The following NBEAL1 variants were observed in gnomAD, a reference collection of about 807,000 sequenced individuals.
The protein encoded by NBEAL1 is neurobeachin-like protein 1.
A neutral mutation model predicts 351.3 loss-of-function variants in NBEAL1; 273 were observed. That is an observed-to-expected ratio of 0.78 (90% CI 0.70 to 0.86). The LOEUF (loss-of-function observed/expected upper bound fraction) is 0.86. Ranked by LOEUF, NBEAL1 falls within the 40% of genes least tolerant of loss-of-function variation. NBEAL1 has a pLI of 0.00. For synonymous variants in NBEAL1, 1,050 were observed against 1,086.4 expected (o/e 0.97, Z 0.66); for missense variants, 2,961 against 3,201.3 (o/e 0.92, Z 1.81).
Position 203,201,669 on chromosome 2 carries a change from G to T in NBEAL1, c.7365G>T (p.Met2455Ile). ...ACTGGGATAATAGCATTCAAGTGAT[G>T]TCACTTACAAAAGGCAAAATTATCT... is the stretch of plus-strand genomic sequence containing the variant. Reference protein sequence around the residue: ...AGYWDNSIQVMSLTKGKIISH... With the variant: ...AGYWDNSIQVISLTKGKIISH... The change falls in exon 50 of 56, where the codon ATG becomes ATT. Residue 2455 changes from methionine (M) to isoleucine (I), a missense_variant. Met to Ile is a conservative substitution (Grantham distance 10). Coordinates refer to ENST00000683969, the MANE Select transcript of NBEAL1 (RefSeq NM_001378026.1). 4 of 1,609,482 alleles carry T rather than the reference G, an allele frequency of 2.5e-6. No individual in the cohort carries two copies. The highest frequency in any genetic ancestry group is 2.5e-6 in the Non-Finnish European group (3 of 1,177,412).
Position 203,136,759 on chromosome 2 carries a change from A to G in NBEAL1, c.4550A>G (p.Asp1517Gly), listed in dbSNP as rs182954834. The change falls in exon 29 of 56, where the codon GAT becomes GGT. Residue 1517 changes from aspartate (D) to glycine (G), a missense_variant. By Grantham distance (94) the Asp-to-Gly change is moderately conservative. Coordinates refer to ENST00000683969, the MANE Select transcript of NBEAL1 (RefSeq NM_001378026.1). ...TCCAGTGAACTACTTCGACCATCAG[A>G]TGAAATAAAACTAACGTAAGCATTT... ...GISSELLRPS[D>G]EIKLTLLQKM... 90 of 1,612,882 alleles carry G rather than the reference A, an allele frequency of 5.6e-5. No homozygotes were observed. Among genetic ancestry groups the G allele is most frequent in the Admixed American group, 1.8e-4 (11 of 59,882 alleles).
intron 37 of NBEAL1, among the ~76,000 whole-genome samples, chr2:203,166,556 A>T (rs1251440913): frequency 2.0e-5 from 3 of 151,732 alleles, no homozygotes; most frequent in Admixed American, 6.6e-5. Context: ...TATTATTATT[A>T]TTTTTTTGAG....
At chr2:203,045,566 C>CT (rs1047260679) in intron 3 of NBEAL1, among the ~76,000 whole-genome samples, 27 of 152,180 alleles carry the variant, frequency 1.8e-4, no homozygotes, top group African/African-American at 5.1e-4. Context: ...TGCTTTGTGG[C>CT]TTTTTTCTGT....
At chr2:203,184,681 A>C (rs982861217) in intron 44 of NBEAL1, among the ~76,000 whole-genome samples, 1 of 151,544 alleles carries the variant, frequency 6.6e-6, no homozygotes, top group African/African-American at 2.4e-5. Flanking sequence ...ATAAGTATAT[A>C]TTTATAAAAT....
At chr2:203,083,984 G>A (rs1446195286) in intron 9 of NBEAL1, among the ~76,000 whole-genome samples, 1 of 148,352 alleles carries the variant, frequency 6.7e-6, no homozygotes, top group Non-Finnish European at 1.5e-5. Context: ...GCCTGTGTGT[G>A]TGTGTGTGTG....
chr2:203,088,281 AG>A (rs2062005164), intron 10 of NBEAL1, among the ~76,000 whole-genome samples: 1 of 152,200 alleles, frequency 6.6e-6, no homozygotes, highest in Non-Finnish European at 1.5e-5. Context: ...ACTACCAGTA[AG>A]TCTTTATTGA....
intron 51 of NBEAL1, 103 bp downstream of exon 51, chr2:203,202,884 G>C: frequency 1.5e-6 from 1 of 683,012 alleles, no homozygotes; most frequent in East Asian, 2.5e-5. Flanking sequence ...GGCAGTGACT[G>C]AGCTCCTTTG....
chr2:203,163,636 G>A (rs1213935341), intron 36 of NBEAL1, among the ~76,000 whole-genome samples: 3 of 152,004 alleles, frequency 2.0e-5, no homozygotes, highest in African/African-American at 7.2e-5. Flanking sequence ...AATTTTACCG[G>A]TTCCAGAAAT....
At position 203,144,690 on chromosome 2, in the gene NBEAL1, C is replaced by A. The variant is rs775205399; in HGVS notation, c.4939C>A (p.Leu1647Met). 1.2e-6 allele frequency: 2 copies of A among 1,614,050 alleles called. No individual in the cohort carries two copies. The highest frequency in any genetic ancestry group is 1.3e-5 in the African/African-American group (1 of 75,050). The stretch of plus-strand genomic sequence containing the variant: ...TGAAGCATGTTACATTTTAGGGAAG[C>A]TGGAACATGTTCTAAGTCAATCAAT... ...QDEACYILGKLEHVLSQSIKE... is the reference protein window; with the variant it reads ...QDEACYILGKMEHVLSQSIKE... The change falls in exon 32 of 56, where the codon CTG (leucine) becomes ATG (methionine). Residue 1647 changes from leucine to methionine, a missense_variant. Transcript: ENST00000683969.
rs571639890 is a variant in NBEAL1, at chr2:203,050,004, TCACTCATAG to T, written c.305+30_305+38del. On this transcript the variant is annotated intron_variant, in intron 4 of 55. Transcript: ENST00000683969. The stretch of plus-strand genomic sequence containing the variant: ...TCTAGTAGAAAAAATAAGCTAGTTT[TCACTCATAG>T]GTGGGAGTTGAACAATGAGAACACA... 1,627 of 1,546,022 alleles carry T rather than the reference TCACTCATAG, an allele frequency of 1.1e-3. 3 individuals carry two copies. Among genetic ancestry groups the T allele is most frequent in the Admixed American group, 2.1e-3 (108 of 50,844 alleles).
intron 51 of NBEAL1, among the ~76,000 whole-genome samples, chr2:203,206,017 A>G (rs1335962971): frequency 6.6e-6 from 1 of 152,228 alleles, no homozygotes; most frequent in East Asian, 1.9e-4. Flanking sequence ...CAAATAACAT[A>G]CAACTATGTG....
At chr2:203,094,292 T>C (rs2062130990) in intron 10 of NBEAL1, among the ~76,000 whole-genome samples, 1 of 152,228 alleles carries the variant, frequency 6.6e-6, no homozygotes, top group Admixed American at 6.5e-5. Context: ...ATAGTTGATA[T>C]GATTCCTGAA....
chr2:203,076,476 C>CA lies in NBEAL1; in HGVS notation c.599-1271dup, dbSNP rs763150052. On this transcript the variant is annotated intron_variant, in intron 7 of 55. Coordinates refer to ENST00000683969, the MANE Select transcript of NBEAL1 (RefSeq NM_001378026.1). The stretch of plus-strand genomic sequence containing the variant: ...TAGGCAATAAAGTAAGACCCTGTCT[C>CA]AAAAACAAACAAACAAACAAAAAAA... 3.7e-4 allele frequency among the ~76,000 whole-genome samples: 8 copies of CA among 21,550 alleles called. No homozygotes were observed. The East Asian group carries it at 3.9e-3, about 10-fold the overall frequency. The allele number at this position is 21,550 out of a possible 152,430, so 14.1% of individuals were successfully genotyped here. A position where few individuals can be genotyped will look rare whatever the true frequency, so the allele number is the denominator to read the frequency against.
intron 16 of NBEAL1, among the ~76,000 whole-genome samples, 184 bp downstream of exon 16, chr2:203,112,282 A>C (rs1458024363): frequency 6.6e-6 from 1 of 152,264 alleles, no homozygotes; most frequent in Non-Finnish European, 1.5e-5. Flanking sequence ...AGATGAAGTC[A>C]GACAATGTGA....
chr2:203,068,440 C>T lies in NBEAL1; in HGVS notation c.563C>T (p.Ala188Val). Residue 188 changes from alanine (A) to valine (V), a missense_variant, in exon 7 of 56, where the codon GCT becomes GTT. Transcript: ENST00000683969. ...VEKSRQKYKP[A>V]SLTVEFVPFF... ...AAGAGCAGACAGAAATATAAACCAG[C>T]TTCTCTCACAGTGGAATTCGTCCCT... 1 of 1,547,450 alleles carries T rather than the reference C, an allele frequency of 6.5e-7. No individual in the cohort carries two copies.
intron 4 of NBEAL1, among the ~76,000 whole-genome samples, chr2:203,056,030 G>A (rs1014293439): frequency 6.6e-6 from 1 of 152,140 alleles, no homozygotes; most frequent in Non-Finnish European, 1.5e-5. Flanking sequence ...AAAACAGTAT[G>A]TACAAAAAAG....
chr2:203,162,836 C>A (rs1371227702), intron 36 of NBEAL1, among the ~76,000 whole-genome samples: 1 of 151,912 alleles, frequency 6.6e-6, no homozygotes, highest in African/African-American at 2.4e-5. Context: ...AGAGCAGTGA[C>A]CAAGTCTCAC....
At chr2:203,056,398 T>TA (rs1559335758) in intron 4 of NBEAL1, 29 bp from the exon 5 acceptor site, 2 of 1,276,434 alleles carry the variant, frequency 1.6e-6, no homozygotes, top group Non-Finnish European at 1.1e-6. Context: ...CATTCTTATG[T>TA]AAAAAATTAA....
intron 3 of NBEAL1, 148 bp downstream of exon 3, chr2:203,042,004 G>A: frequency 1.6e-6 from 1 of 637,198 alleles, no homozygotes; most frequent in Non-Finnish European, 2.8e-6. Context: ...ATAGCTAATT[G>A]ATGACAATAG....
Sources: gnomAD v4.1 joint callset for allele counts (sites outside exome capture counted in the v4.1 genomes callset) on GRCh38, gnomAD v4.1.1 for gene constraint, MANE v1.5 for transcripts, NCBI Gene and HGNC (gene_info 2026-07-23, HGNC 2026-07-21) for gene names.